Variants in DOCK7 observed in about 807,000 individuals in gnomAD.
DOCK7 encodes dedicator of cytokinesis protein 7.
DOCK7 carries 138 observed loss-of-function variants against 271.0 expected under a neutral mutation model. The ratio of observed to expected loss-of-function variants is 0.51; its 90% CI spans 0.44 to 0.59. The LOEUF is 0.59. DOCK7 is among the 20% of genes least tolerant of loss of function. DOCK7 has a pLI of 0.00. For synonymous variants in DOCK7, 823 were observed against 876.1 expected (o/e 0.94, Z 1.07); for missense variants, 2,066 against 2,592.4 (o/e 0.80, Z 4.41).
At chr1:62,536,922 T>C (rs545250197) in intron 28 of DOCK7, among the ~76,000 whole-genome samples, 1 of 152,326 alleles carries the variant, frequency 6.6e-6, no homozygotes, top group East Asian at 1.9e-4. Flanking sequence ...GACATACATA[T>C]TAACTGCTAC....
At chr1:62,638,349 T>C (rs1655535185) in intron 7 of DOCK7, 1 of 152,006 alleles carries the variant, frequency 6.6e-6, no homozygotes, top group Non-Finnish European at 1.5e-5. Context: ...GGTAGTGCTT[T>C]CTGTGTCATG....
At chr1:62,551,505 G>A (rs768252126) in intron 22 of DOCK7, among the ~76,000 whole-genome samples, 7 of 152,108 alleles carry the variant, frequency 4.6e-5, no homozygotes, top group African/African-American at 7.2e-5. Flanking sequence ...GACTGAGGTG[G>A]AGTGGAAAAC....
At position 62,631,422 on chromosome 1, in the gene DOCK7, T is replaced by C. The variant is rs1237376037; in HGVS notation, c.1117-17A>G. The C allele has an allele frequency of 6.4e-7, 1 of 1,573,040 alleles. No homozygotes were observed. Among genetic ancestry groups the C allele is most frequent in the South Asian group, 1.2e-5 (1 of 83,152 alleles). ...TTCTTTATTCTGCAAAACAGAACTT[T>C]ATACATTATATGATTATACTTGAAA... On this transcript the variant is annotated splice_polypyrimidine_tract_variant and intron_variant, in intron 10 of 49. Coordinates refer to ENST00000635253, the MANE Select transcript of DOCK7 (RefSeq NM_001367561.1).
At chr1:62,558,799 A>G (rs982631359) in intron 20 of DOCK7, among the ~76,000 whole-genome samples, 190 bp downstream of exon 20, 1 of 152,202 alleles carries the variant, frequency 6.6e-6, no homozygotes, top group Non-Finnish European at 1.5e-5. Flanking sequence ...ATATGCCTAT[A>G]GAACACATTT....
At chr1:62,645,566 T>C (rs942540601) in intron 7 of DOCK7, among the ~76,000 whole-genome samples, 2 of 152,182 alleles carry the variant, frequency 1.3e-5, no homozygotes, top group African/African-American at 2.4e-5. Flanking sequence ...AAATATGAGA[T>C]TTCTTTTTGG....
chr1:62,495,713 TG>T lies in DOCK7; in HGVS notation c.4924-33del, dbSNP rs748631006. 2.0e-6 allele frequency: 3 copies of T among 1,503,088 alleles called. No homozygotes were observed. The African/African-American group carries it at 4.2e-5, about 21-fold the overall frequency. 93.1% of individuals were successfully genotyped at this position (1,503,088 alleles called of 1,614,324 possible). A position where few individuals can be genotyped will look rare whatever the true frequency, so the allele number is the denominator to read the frequency against. On this transcript the variant is annotated intron_variant, in intron 38 of 49. Transcript: ENST00000635253. Reference sequence around the variant, plus strand: ...CAGAGAATTATATGAAAAACATTCTTGAATTGTCATTCATCCATAATCACCA... The same window carrying T: ...CAGAGAATTATATGAAAAACATTCTTAATTGTCATTCATCCATAATCACCA...
chr1:62,554,931 T>C (rs1352378490), intron 21 of DOCK7, among the ~76,000 whole-genome samples: 3 of 152,324 alleles, frequency 2.0e-5, no homozygotes, highest in South Asian at 2.1e-4. Flanking sequence ...CTATTATGTC[T>C]AGTGTTCATA....
Position 62,493,054 on chromosome 1 carries a change from T to G in DOCK7, c.5218-207A>C, listed in dbSNP as rs116713712. ...AAACACCATTGCTAGATAACTTTTC[T>G]CTTAATAAAAAGTTGTATGAAAGAA... is the stretch of plus-strand genomic sequence containing the variant. On this transcript the variant is annotated intron_variant, in intron 40 of 49. Transcript: ENST00000635253. Among the ~76,000 whole-genome samples, 2,746 of 152,246 alleles carry G rather than the reference T, an allele frequency of 0.018. 90 individuals are homozygous for G. Among genetic ancestry groups the G allele is most frequent in the African/African-American group, 0.063 (2,597 of 41,532 alleles).
intron 1 of DOCK7, among the ~76,000 whole-genome samples, chr1:62,684,518 C>T (rs1661520218): frequency 6.6e-6 from 1 of 152,164 alleles, no homozygotes; most frequent in African/African-American, 2.4e-5. Flanking sequence ...TCAACCTGTG[C>T]AATCTGATCC....
chr1:62,542,024 A>G (rs1645550640), intron 25 of DOCK7, among the ~76,000 whole-genome samples: 1 of 152,026 alleles, frequency 6.6e-6, no homozygotes, highest in Non-Finnish European at 1.5e-5. Flanking sequence ...GGTTTGTGCC[A>G]CCAGGTTTAG....
intron 7 of DOCK7, among the ~76,000 whole-genome samples, chr1:62,646,079 G>A (rs529380487): frequency 4.0e-5 from 6 of 151,602 alleles, no homozygotes; most frequent in South Asian, 2.1e-4. Context: ...CCCGGGAGGC[G>A]GAGGTTGCAG....
chr1:62,561,473 G>GT, intron 19 of DOCK7, 144 bp downstream of exon 19: 6 of 394,918 alleles, frequency 1.5e-5, no homozygotes, highest in Non-Finnish European at 2.7e-5. Context: ...TCTAAATATT[G>GT]TATGTTTTTA....
intron 48 of DOCK7, chr1:62,459,299 T>TG (rs1645442950): frequency 6.6e-6 from 1 of 151,526 alleles, no homozygotes; most frequent in Admixed American, 6.6e-5. Flanking sequence ...TGGAGTGCAG[T>TG]GGCATGATCT....
chr1:62,593,916 A>G lies in DOCK7; in HGVS notation c.1683-7292T>C, dbSNP rs1262304446. On this transcript the variant is annotated intron_variant, in intron 14 of 49. Coordinates refer to ENST00000635253, the MANE Select transcript of DOCK7 (RefSeq NM_001367561.1). ...GTAAAAAAGAGCCAAAATACCTTGT[A>G]TTTTATTTGAAAGACATATCTCCAT... Among the ~76,000 whole-genome samples the G allele has an allele frequency of 2.0e-5, 3 of 152,172 alleles. No homozygotes were observed. In the East Asian group the frequency reaches 5.8e-4, roughly 29 times the overall value.
intron 28 of DOCK7, 38 bp from the exon 29 acceptor site, chr1:62,535,670 G>A (rs1383629162): frequency 1.3e-6 from 2 of 1,593,192 alleles, no homozygotes. Flanking sequence ...TATAACAGCA[G>A]TGCAACAAAG....
intron 7 of DOCK7, among the ~76,000 whole-genome samples, chr1:62,646,718 A>G (rs1168086): frequency 0.58 from 88,849 of 152,016 alleles, 27,606 homozygotes; most frequent in East Asian, 0.76. Context: ...CTACTGTGTC[A>G]GCTACGCATT....
chr1:62,592,167 C>T (rs1648544936), intron 14 of DOCK7, among the ~76,000 whole-genome samples: 1 of 152,144 alleles, frequency 6.6e-6, no homozygotes, highest in Admixed American at 6.6e-5. Flanking sequence ...TGACTACTAA[C>T]TCCATTAATA....
At chr1:62,510,090 C>A (rs1337016230) in intron 34 of DOCK7, among the ~76,000 whole-genome samples, 1 of 152,174 alleles carries the variant, frequency 6.6e-6, no homozygotes, top group African/African-American at 2.4e-5. Flanking sequence ...CCTGCAGCCA[C>A]TTGGGCAGTA....
At position 62,584,148 on chromosome 1, in the gene DOCK7, G is replaced by A. The variant is rs12042319; in HGVS notation, c.1801-894C>T. 0.35 allele frequency: 342,647 copies of A among 976,538 alleles called. 61,061 individuals carry two copies. Among genetic ancestry groups the A allele is most frequent in the African/African-American group, 0.44 (25,239 of 57,018 alleles). 60.5% of individuals were successfully genotyped at this position (976,538 alleles called of 1,614,324 possible). On this transcript the variant is annotated intron_variant, in intron 15 of 49. Coordinates refer to ENST00000635253, the MANE Select transcript of DOCK7 (RefSeq NM_001367561.1). ...ATTATTTATATAAAGAGATTAATTG[G>A]CATCATCCTTAATTAGAAGGGCATA...
Sources: gnomAD v4.1 joint callset for allele counts (sites outside exome capture counted in the v4.1 genomes callset) on GRCh38, gnomAD v4.1.1 for gene constraint, MANE v1.5 for transcripts, NCBI Gene and HGNC (gene_info 2026-07-23, HGNC 2026-07-21) for gene names.